The following SORCS1 variants were observed in gnomAD, a reference collection of about 807,000 sequenced individuals.
SORCS1 encodes the protein VPS10 domain-containing receptor SorCS1.
SORCS1 carries 60 observed loss-of-function variants against 146.1 expected under a neutral mutation model. That is an observed-to-expected ratio of 0.41 (90% CI 0.33 to 0.51). SORCS1 has a LOEUF of 0.51. Among genes scored for constraint, SORCS1 ranks in the 20% least tolerant of loss-of-function variants. The pLI is 0.21. For synonymous variants in SORCS1, 637 were observed against 584.0 expected (o/e 1.09, Z -1.31); for missense variants, 1,352 against 1,487.6 (o/e 0.91, Z 1.50).
At chr10:106,699,145 C>T (rs1479015903) in intron 9 of SORCS1, 69 bp downstream of exon 9, 2 of 1,381,536 alleles carry the variant, frequency 1.4e-6, no homozygotes, top group South Asian at 1.5e-5. Context: ...GGAAAAGAGT[C>T]CATGCGGGGC....
intron 1 of SORCS1, among the ~76,000 whole-genome samples, chr10:107,056,401 C>G (rs1960640741): frequency 6.6e-6 from 1 of 152,194 alleles, no homozygotes; most frequent in Admixed American, 6.5e-5. Context: ...TAGGAGCCAT[C>G]CATGTGCAAG....
intron 3 of SORCS1, among the ~76,000 whole-genome samples, chr10:106,818,182 G>A (rs1197075584): frequency 1.3e-5 from 2 of 152,130 alleles, no homozygotes; most frequent in Non-Finnish European, 2.9e-5. Context: ...TGACTGGCCA[G>A]TAGTACTTAA....
rs541568722 is a variant in SORCS1, at chr10:106,635,281, C to T, written c.2476-5893G>A. Among the ~76,000 whole-genome samples, 13 of 152,250 alleles carry T rather than the reference C, an allele frequency of 8.5e-5. No homozygotes were observed. In the South Asian group the frequency reaches 1.5e-3, roughly 17 times the overall value. On this transcript the variant is annotated intron_variant, in intron 18 of 25. Transcript: ENST00000263054. The stretch of plus-strand genomic sequence containing the variant: ...ACCCATTGCAGATAGACACCAGGCT[C>T]GTATATCAGAACCTGGTCCATGCAA...
chr10:106,869,163 G>C (rs932023649), intron 2 of SORCS1, among the ~76,000 whole-genome samples: 2 of 152,052 alleles, frequency 1.3e-5, no homozygotes, highest in Non-Finnish European at 2.9e-5. Context: ...TCCCTGAACA[G>C]AACAATAACA....
chr10:106,858,007 G>A (rs1949859650), intron 2 of SORCS1, among the ~76,000 whole-genome samples: 1 of 152,158 alleles, frequency 6.6e-6, no homozygotes, highest in African/African-American at 2.4e-5. Context: ...GGTGCATTCT[G>A]AGCTGAATGA....
intron 2 of SORCS1, among the ~76,000 whole-genome samples, chr10:106,925,319 A>C (rs1291002833): frequency 6.6e-6 from 1 of 152,124 alleles, no homozygotes; most frequent in South Asian, 2.1e-4. Context: ...CCCTCTCTGC[A>C]TGATTAGTGC....
At position 106,782,372 on chromosome 10, in the gene SORCS1, C is replaced by T. The variant is rs534062832; in HGVS notation, c.727-5680G>A. 5.9e-5 allele frequency among the ~76,000 whole-genome samples: 9 copies of T among 152,280 alleles called. No individual in the cohort carries two copies. The East Asian group carries it at 1.7e-3, about 29-fold the overall frequency. On this transcript the variant is annotated intron_variant, in intron 3 of 25. Coordinates refer to ENST00000263054, the MANE Select transcript of SORCS1 (RefSeq NM_052918.5). ...CTGGGCTCAAGGGATCCTCCCATCT[C>T]GGCCTCCCAAAACACTCAGATTATA...
At chr10:107,049,175 C>A (rs893796781) in intron 1 of SORCS1, among the ~76,000 whole-genome samples, 2 of 147,612 alleles carry the variant, frequency 1.4e-5, no homozygotes, top group African/African-American at 2.5e-5. Context: ...GACAAAAAAC[C>A]AAACACCGCA....
rs1244533886 is a variant in SORCS1, at chr10:106,576,050, T to C, written c.*1370A>G. ...CATCTCTATGCTTTCTTTTCCAAAG[T>C]ACATGGCCAGGTTTGAATTACTTTG... On this transcript the variant is annotated 3_prime_UTR_variant, in exon 26 of 26. Coordinates refer to ENST00000263054, the MANE Select transcript of SORCS1 (RefSeq NM_052918.5). 1 of 152,310 alleles carries C rather than the reference T, an allele frequency of 6.6e-6. No homozygotes were observed. The highest frequency in any genetic ancestry group is 1.5e-5 in the Non-Finnish European group (1 of 68,048). 9.4% of individuals were successfully genotyped at this position (152,310 alleles called of 1,614,324 possible). A position where few individuals can be genotyped will look rare whatever the true frequency, so the allele number is the denominator to read the frequency against.
At chr10:107,052,664 T>C (rs1960226780) in intron 1 of SORCS1, among the ~76,000 whole-genome samples, 1 of 152,158 alleles carries the variant, frequency 6.6e-6, no homozygotes, top group African/African-American at 2.4e-5. Flanking sequence ...ATTACAGAAA[T>C]CTTAAATCTG....
intron 1 of SORCS1, among the ~76,000 whole-genome samples, chr10:107,162,214 T>C (rs1969764752): frequency 6.6e-6 from 1 of 152,180 alleles, no homozygotes; most frequent in Non-Finnish European, 1.5e-5. Context: ...GTCTAATGGG[T>C]GAGTGATATT....
rs767160916 is a variant in SORCS1 at position 106,573,978 on chromosome 10, T to C, written c.*3442A>G. ...AAGAGCAATTATACATTACACTACA[T>C]AGTATTTAACAAAAAATACATCAAA... On this transcript the variant is annotated 3_prime_UTR_variant, in exon 26 of 26. Coordinates refer to ENST00000263054, the MANE Select transcript of SORCS1 (RefSeq NM_052918.5). 7 of 152,332 alleles carry C rather than the reference T, an allele frequency of 4.6e-5. No individual in the cohort carries two copies. The highest frequency in any genetic ancestry group is 7.4e-5 in the Non-Finnish European group (5 of 67,990). The allele number at this position is 152,332 out of a possible 1,614,324, so 9.4% of individuals were successfully genotyped here.
intron 8 of SORCS1, among the ~76,000 whole-genome samples, chr10:106,706,115 A>G (rs1854499845): frequency 6.6e-6 from 1 of 152,112 alleles, no homozygotes; most frequent in African/African-American, 2.4e-5. Flanking sequence ...ATGGCTTGAA[A>G]ATCTTTACTA....
rs538924305 is a variant in SORCS1, at chr10:106,587,896, G to C, written c.3266-8422C>G. On this transcript the variant is annotated intron_variant, in intron 24 of 25. Transcript: ENST00000263054. Reference sequence around the variant, plus strand: ...ACCTGAGGTTTGAGGCTCTTCCTTTGATAAATATTAACCCTTTACCATTTT... The same window carrying C: ...ACCTGAGGTTTGAGGCTCTTCCTTTCATAAATATTAACCCTTTACCATTTT... Among the ~76,000 whole-genome samples, 5 of 152,138 alleles carry C rather than the reference G, an allele frequency of 3.3e-5. No individual in the cohort carries two copies. The East Asian group carries it at 9.7e-4, about 29-fold the overall frequency.
At chr10:106,953,105 C>T (rs1005435822) in intron 2 of SORCS1, among the ~76,000 whole-genome samples, 74 of 151,362 alleles carry the variant, frequency 4.9e-4, no homozygotes, top group African/African-American at 1.6e-3. Context: ...GACTATTAGG[C>T]GTATATTTTA....
At chr10:106,943,844 C>T (rs1374202620) in intron 2 of SORCS1, among the ~76,000 whole-genome samples, 2 of 152,148 alleles carry the variant, frequency 1.3e-5, no homozygotes, top group East Asian at 3.9e-4. Context: ...GTCTCTTCAC[C>T]TCATCCCCAT....
chr10:106,765,525 C>T (rs2136284167), intron 4 of SORCS1, among the ~76,000 whole-genome samples: 1 of 152,224 alleles, frequency 6.6e-6, no homozygotes, highest in South Asian at 2.1e-4. Context: ...AACTGTTAGG[C>T]ATCTCTGGCG....
At chr10:107,134,166 G>C (rs1343538630) in intron 1 of SORCS1, among the ~76,000 whole-genome samples, 2 of 152,176 alleles carry the variant, frequency 1.3e-5, no homozygotes, top group African/African-American at 4.8e-5. Context: ...GGGGACCAGG[G>C]GGAGTTAGAA....
chr10:107,129,087 G>T (rs1179582503), intron 1 of SORCS1, among the ~76,000 whole-genome samples: 1 of 152,212 alleles, frequency 6.6e-6, no homozygotes, highest in Non-Finnish European at 1.5e-5. Flanking sequence ...TCAGATTCAA[G>T]ACACCAAGTA....
Sources: allele counts gnomAD v4.1 joint callset (sites outside exome capture counted in the v4.1 genomes callset), GRCh38; gene constraint gnomAD v4.1.1; transcripts MANE v1.5; gene names NCBI Gene and HGNC (gene_info 2026-07-23, HGNC 2026-07-21).